The following DMD variants were observed in gnomAD, a reference collection of about 807,000 sequenced individuals.
DMD encodes dystrophin, also known as mutant dystrophin.
A neutral mutation model predicts 330.1 loss-of-function variants in DMD; 63 were observed. That is an observed-to-expected ratio of 0.19 (90% CI 0.16 to 0.24). The LOEUF is 0.24. Ranked by LOEUF, DMD falls within the 10% of genes least tolerant of loss-of-function variation. The pLI is 1.00. For synonymous variants in DMD, 1,223 were observed against 959.8 expected, an observed-to-expected ratio of 1.27 and a Z score of -5.07; for missense variants, 3,344 against 2,684.1, an observed-to-expected ratio of 1.25 and a Z score of -5.43.
At chrX:32,541,106 G>T (rs2048441322) in intron 17 of DMD, among the ~76,000 whole-genome samples, 1 of 111,843 alleles carries the variant, frequency 8.9e-6, no homozygotes, top group Non-Finnish European at 1.9e-5. Context: ...ATAAGGAAAA[G>T]AAAGTAGAAG....
At chrX:33,014,962 A>C (rs747043762) in intron 2 of DMD, among the ~76,000 whole-genome samples, 18 of 111,729 alleles carry the variant, frequency 1.6e-4, no homozygotes, top group Non-Finnish European at 3.2e-4. Context: ...TATGGATATA[A>C]CGTTTTCTCC....
intron 51 of DMD, among the ~76,000 whole-genome samples, chrX:31,753,071 T>C (rs1218424701): frequency 8.9e-6 from 1 of 111,741 alleles, no homozygotes; most frequent in African/African-American, 3.2e-5. Flanking sequence ...TTCACTTCCA[T>C]ACACAAAACA....
At chrX:32,812,785 C>A (rs770318078) in intron 6 of DMD, among the ~76,000 whole-genome samples, 1 of 111,723 alleles carries the variant, frequency 9.0e-6, no homozygotes, top group South Asian at 3.7e-4. Context: ...TGGAAACTAG[C>A]TTATTTACAA....
At chrX:33,202,744 A>T (rs1324538930) in intron 1 of DMD, among the ~76,000 whole-genome samples, 1 of 111,828 alleles carries the variant, frequency 8.9e-6, no homozygotes. Flanking sequence ...ATAAGTAATC[A>T]TTTATGATTG....
chrX:33,060,044 A>G (rs946636791), intron 1 of DMD, among the ~76,000 whole-genome samples: 1 of 111,764 alleles, frequency 8.9e-6, no homozygotes, highest in Non-Finnish European at 1.9e-5. Flanking sequence ...TAAAGAAAAA[A>G]TTATTCAATG....
chrX:31,467,212 G>C (rs1430164387), intron 59 of DMD, among the ~76,000 whole-genome samples: 2 of 111,455 alleles, frequency 1.8e-5, no homozygotes, highest in African/African-American at 3.3e-5. Context: ...TTGAATACGA[G>C]TGGTGGGAGA....
intron 69 of DMD, 53 bp from the exon 70 acceptor site, chrX:31,178,858 T>C (rs2040840692): frequency 2.6e-6 from 3 of 1,165,626 alleles, no homozygotes; most frequent in Non-Finnish European, 3.5e-6. Flanking sequence ...ATTTCAAAAC[T>C]AATGACCACT....
intron 2 of DMD, among the ~76,000 whole-genome samples, chrX:32,989,470 G>A (rs1243397770): frequency 1.8e-5 from 2 of 111,685 alleles, no homozygotes; most frequent in Non-Finnish European, 3.8e-5. Flanking sequence ...AAATGTCATC[G>A]TTAGTGTTGC....
rs762761810 is a variant in DMD at position 32,012,376 on chromosome X, G to A, written c.6439-43862C>T. 9.8e-5 allele frequency among the ~76,000 whole-genome samples: 11 copies of A among 112,002 alleles called. No homozygotes were observed. The South Asian group carries it at 4.1e-3, about 42-fold the overall frequency. ...GCAACAGTAGAAATCTCATCAGTAA[G>A]AGTTCAAGCAATTTCACTGCACTTC... On this transcript the variant is annotated intron_variant, in intron 44 of 78. Coordinates refer to ENST00000357033, the MANE Select transcript of DMD (RefSeq NM_004006.3).
At chrX:32,485,432 G>C (rs2042325795) in intron 20 of DMD, among the ~76,000 whole-genome samples, 1 of 110,562 alleles carries the variant, frequency 9.0e-6, no homozygotes, top group Non-Finnish European at 1.9e-5. Flanking sequence ...TAGGTGTTTG[G>C]CTGCACCCCT....
At chrX:33,208,191 T>C (rs914032352) in intron 1 of DMD, among the ~76,000 whole-genome samples, 2 of 112,046 alleles carry the variant, frequency 1.8e-5, no homozygotes, top group Non-Finnish European at 3.8e-5. Flanking sequence ...CTTTTCAGAA[T>C]GAAAGGCAGA....
chrX:31,803,243 G>C lies in DMD; in HGVS notation c.7309+16732C>G, dbSNP rs775626799. ...AAATGGGAGCCATTCCCTTGACATG[G>C]GATGCTGTCAGCTAAAGGCAAGTCT... is the stretch of plus-strand genomic sequence containing the variant. On this transcript the variant is annotated intron_variant, in intron 50 of 78. Transcript: ENST00000357033. 5.7e-4 allele frequency among the ~76,000 whole-genome samples: 64 copies of C among 111,962 alleles called. 1 individual carries two copies. Among genetic ancestry groups the C allele is most frequent in the Admixed American group, 2.8e-3 (30 of 10,647 alleles).
chrX:32,774,734 T>A (rs1442480391), intron 7 of DMD, among the ~76,000 whole-genome samples: 1 of 111,133 alleles, frequency 9.0e-6, no homozygotes, highest in East Asian at 2.8e-4. Context: ...GGGATTACAA[T>A]TTGAGACAAA....
intron 65 of DMD, among the ~76,000 whole-genome samples, chrX:31,208,927 G>A (rs1450104286): frequency 9.0e-6 from 1 of 111,434 alleles, no homozygotes; most frequent in Non-Finnish European, 1.9e-5. Context: ...AAGAGAGAGT[G>A]ATGAATGGAG....
intron 47 of DMD, among the ~76,000 whole-genome samples, chrX:31,924,684 C>T (rs896706828): frequency 9.0e-6 from 1 of 111,335 alleles, no homozygotes; most frequent in Non-Finnish European, 1.9e-5. Context: ...ATTTGTAAAC[C>T]TACCTTTTTC....
intron 55 of DMD, among the ~76,000 whole-genome samples, chrX:31,558,616 T>C (rs1341221128): frequency 2.7e-5 from 3 of 110,752 alleles, no homozygotes; most frequent in African/African-American, 9.9e-5. Context: ...GAAAGAACTA[T>C]GAAAGAATTA....
intron 60 of DMD, among the ~76,000 whole-genome samples, chrX:31,389,679 C>T (rs925922533): frequency 8.9e-5 from 10 of 112,210 alleles, no homozygotes; most frequent in African/African-American, 2.9e-4. Context: ...TCTAAAGGTG[C>T]TTTGTGAAAT....
chrX:33,032,211 T>G (rs1263943325), intron 1 of DMD, among the ~76,000 whole-genome samples: 1 of 111,845 alleles, frequency 8.9e-6, no homozygotes, highest in Non-Finnish European at 1.9e-5. Context: ...TCATAAAGTG[T>G]TTTCACTTTT....
intron 1 of DMD, among the ~76,000 whole-genome samples, chrX:33,186,959 T>A (rs2066787277): frequency 8.9e-6 from 1 of 112,271 alleles, no homozygotes; most frequent in Non-Finnish European, 1.9e-5. Flanking sequence ...ATCTTAAGTA[T>A]ACATCTGAAA....
Sources: gnomAD v4.1 joint callset for allele counts (sites outside exome capture counted in the v4.1 genomes callset) on GRCh38, gnomAD v4.1.1 for gene constraint, MANE v1.5 for transcripts, NCBI Gene and HGNC (gene_info 2026-07-23, HGNC 2026-07-21) for gene names.